CELSR1: variants seen among roughly 807,000 people sequenced by gnomAD.
CELSR1 encodes the protein cadherin EGF LAG seven-pass G-type receptor 1, also known as adhesion G protein-coupled receptor C1.
CELSR1 carries 110 observed loss-of-function variants against 249.1 expected under a neutral mutation model. The ratio of observed to expected loss-of-function variants is 0.44; its 90% CI spans 0.38 to 0.52. The LOEUF is 0.52. CELSR1 is among the 20% of genes least tolerant of loss of function. The pLI is 0.00. For missense variants in CELSR1, 4,109 were observed against 4,296.4 expected (o/e 0.96, Z 1.22); for synonymous variants, 2,113 against 1,900.0 (o/e 1.11, Z -2.92).
At position 46,488,400 on chromosome 22, in the gene CELSR1, CG is replaced by C. The variant is rs1191736819; in HGVS notation, c.3545-24056del. ...CGCAGCTTCCCTGCTCGCCTACAGC[CG>C]GCGAGTGCAGCACAGGAGGCCACCG... On this transcript the variant is annotated intron_variant, in intron 1 of 34. Transcript: ENST00000674500. This position sits in a 1 kb window ranked among gnomAD's most constrained non-coding sequence, Gnocchi z 4.7. Among the ~76,000 whole-genome samples, 1 of 152,140 alleles carries C rather than the reference CG, an allele frequency of 6.6e-6. No homozygotes were observed. Among genetic ancestry groups the C allele is most frequent in the Non-Finnish European group, 1.5e-5 (1 of 67,998 alleles).
intron 1 of CELSR1, among the ~76,000 whole-genome samples, chr22:46,507,157 G>T (rs1602223539): frequency 6.6e-6 from 1 of 152,308 alleles, no homozygotes; most frequent in East Asian, 1.9e-4. Context: ...CTGCACTCCA[G>T]CCTGGGCGAC....
intron 9 of CELSR1, among the ~76,000 whole-genome samples, chr22:46,403,786 TAC>T (rs1491111936): frequency 6.7e-6 from 1 of 149,542 alleles, no homozygotes; most frequent in Non-Finnish European, 1.5e-5. Context: ...CAGCATGGCC[TAC>T]ATGGTGAAAC....
chr22:46,476,482 G>A (rs2080209507), intron 1 of CELSR1, among the ~76,000 whole-genome samples: 1 of 151,694 alleles, frequency 6.6e-6, no homozygotes. Context: ...TGTGGTCCCA[G>A]CTACTCAGGA....
chr22:46,520,106 T>C (rs1246900482), intron 1 of CELSR1, among the ~76,000 whole-genome samples: 1 of 152,026 alleles, frequency 6.6e-6, no homozygotes, highest in African/African-American at 2.4e-5. Flanking sequence ...ACTCCTGACC[T>C]CAGGTGATCC....
At position 46,506,991 on chromosome 22, in the gene CELSR1, GC is replaced by G. The variant is rs2080521412; in HGVS notation, c.3544+26635del. On this transcript the variant is annotated intron_variant, in intron 1 of 34. Coordinates refer to ENST00000674500, the MANE Select transcript of CELSR1 (RefSeq NM_001378328.1). This position sits in a 1 kb window ranked among gnomAD's most constrained non-coding sequence, Gnocchi z 4.1. ...GCGGGTGGATCACCTGAGGTCAGGA[GC>G]CTGGCCAACACGGTGAAACCCCGAC... Among the ~76,000 whole-genome samples the G allele has an allele frequency of 6.6e-6, 1 of 152,264 alleles. No individual in the cohort carries two copies. The highest frequency in any genetic ancestry group is 1.9e-4 in the East Asian group (1 of 5,160).
Position 46,499,179 on chromosome 22 carries a change from C to T in CELSR1, c.3544+34448G>A, listed in dbSNP as rs551126855. ...TGGGCGATAGAGTAAGACTCTGTTGCAAATCTAAAAAAAAAAAAAAAAAAA... is the reference window on the plus strand; with the variant it reads ...TGGGCGATAGAGTAAGACTCTGTTGTAAATCTAAAAAAAAAAAAAAAAAAA... On this transcript the variant is annotated intron_variant, in intron 1 of 34. Coordinates refer to ENST00000674500, the MANE Select transcript of CELSR1 (RefSeq NM_001378328.1). Among the ~76,000 whole-genome samples, 751 of 81,784 alleles carry T rather than the reference C, an allele frequency of 9.2e-3. 1 individual carries two copies. The highest frequency in any genetic ancestry group is 0.012 in the Non-Finnish European group (521 of 44,732). The allele number at this position is 81,784 out of a possible 152,430, so 53.7% of individuals were successfully genotyped here. A position where few individuals can be genotyped will look rare whatever the true frequency, so the allele number is the denominator to read the frequency against.
At position 46,430,550 on chromosome 22, in the gene CELSR1, C is replaced by T. The variant is rs979068194; in HGVS notation, c.4611+2843G>A. On this transcript the variant is annotated intron_variant, in intron 5 of 34. Transcript: ENST00000674500. The surrounding 1 kb of genome is among the most constrained non-coding windows in gnomAD (Gnocchi z 4.6). ...GACACCCCTCATCGTCCAGCCCCAA[C>T]GCCTCCTCCTCCTGGGGGTCCCCTC... is the stretch of plus-strand genomic sequence containing the variant. Among the ~76,000 whole-genome samples, 8 of 152,254 alleles carry T rather than the reference C, an allele frequency of 5.3e-5. No homozygotes were observed. Among genetic ancestry groups the T allele is most frequent in the South Asian group, 2.1e-4 (1 of 4,820 alleles).
At chr22:46,503,768 G>A (rs1298348870) in intron 1 of CELSR1, among the ~76,000 whole-genome samples, 2 of 152,226 alleles carry the variant, frequency 1.3e-5, no homozygotes, top group Non-Finnish European at 1.5e-5. Context: ...AGCGTCTCAC[G>A]CCGGTAATCC....
In CELSR1 at chr22:46,413,315, A is replaced by G. The variant is rs2079359834; in HGVS notation, c.4612-1556T>C. Among the ~76,000 whole-genome samples, 2 of 152,198 alleles carry G rather than the reference A, an allele frequency of 1.3e-5. No homozygotes were observed. The highest frequency in any genetic ancestry group is 2.9e-5 in the Non-Finnish European group (2 of 68,038). On this transcript the variant is annotated intron_variant, in intron 5 of 34. Transcript: ENST00000674500. This position sits in a 1 kb window ranked among gnomAD's most constrained non-coding sequence, Gnocchi z 4.7. ...GAGCTCAGCCAGATGGCCAAGTTGC[A>G]TGACTTCTGGGGACCCTGGACACCC...
intron 1 of CELSR1, among the ~76,000 whole-genome samples, chr22:46,524,478 G>C (rs1315633619): frequency 6.6e-6 from 1 of 152,144 alleles, no homozygotes; most frequent in African/African-American, 2.4e-5. Context: ...GTGTCGGGCG[G>C]CTGGAAGGAA....
intron 33 of CELSR1, 33 bp from the exon 34 acceptor site, chr22:46,364,284 G>C (rs747861453): frequency 6.3e-7 from 1 of 1,597,420 alleles, no homozygotes. Context: ...GGTCAAGTCC[G>C]GGTGATGCTG....
rs748345236 is a variant in CELSR1 at position 46,409,080 on chromosome 22, G to A, written c.5142C>T (p.Tyr1714=). 4 of 1,613,280 alleles carry A rather than the reference G, an allele frequency of 2.5e-6. No homozygotes were observed. In the South Asian group the frequency reaches 3.3e-5, roughly 13 times the overall value. Residue 1714 remains tyrosine (Y), a synonymous_variant, in exon 9 of 35, where the codon TAC becomes TAT. Coordinates refer to ENST00000674500, the MANE Select transcript of CELSR1 (RefSeq NM_001378328.1). The surrounding 1 kb of genome is among the most constrained non-coding windows in gnomAD (Gnocchi z 9.8). The stretch of plus-strand genomic sequence containing the variant: ...TCCGGGTCCGGAACATGAGCCCCAG[G>A]TACCAGGGCACAGAGATGATGATGT... ...DLNIIISVPW[Y]LGLMFRTRKE... is the part of the protein sequence containing the mutation.
intron 1 of CELSR1, among the ~76,000 whole-genome samples, chr22:46,492,882 G>A (rs1602208599): frequency 6.6e-6 from 1 of 152,072 alleles, no homozygotes; most frequent in African/African-American, 2.4e-5. Flanking sequence ...CTTGGTAACA[G>A]GACAAAATAT....
chr22:46,475,927 G>T (rs1021017287), intron 1 of CELSR1, among the ~76,000 whole-genome samples: 1 of 152,036 alleles, frequency 6.6e-6, no homozygotes, highest in Non-Finnish European at 1.5e-5. Context: ...CCTTCTGGAA[G>T]CCTGAAATAA....
intron 1 of CELSR1, among the ~76,000 whole-genome samples, chr22:46,482,370 C>A (rs1369942533): frequency 6.6e-6 from 1 of 152,124 alleles, no homozygotes; most frequent in African/African-American, 2.4e-5. Flanking sequence ...GAAGGGCCAT[C>A]AGCCAGAGCA....
rs1308861796 is a variant in CELSR1 at position 46,536,769 on chromosome 22, G to A, written c.402C>T (p.Pro134=). ...GARLCGALCF[P]VPGGCAAAQH... ...GCGCGGCCGCGCAGCCGCCGGGGAC[G>A]GGGAAGCAGAGCGCCCCGCAGAGCC... The change falls in exon 1 of 35, where the codon CCC becomes CCT. Residue 134 remains proline (P), a synonymous_variant. Coordinates refer to ENST00000674500, the MANE Select transcript of CELSR1 (RefSeq NM_001378328.1). The A allele has an allele frequency of 1.7e-6, 2 of 1,184,742 alleles. No individual in the cohort carries two copies. Among genetic ancestry groups the A allele is most frequent in the Admixed American group, 4.7e-5 (1 of 21,450 alleles). 73.4% of individuals were successfully genotyped at this position (1,184,742 alleles called of 1,614,324 possible). A position where few individuals can be genotyped will look rare whatever the true frequency, so the allele number is the denominator to read the frequency against.
chr22:46,497,466 C>T (rs1280912904), intron 1 of CELSR1, among the ~76,000 whole-genome samples: 1 of 152,164 alleles, frequency 6.6e-6, no homozygotes, highest in Non-Finnish European at 1.5e-5. Flanking sequence ...GGCCTCTGTC[C>T]CGGGTCTCTG....
At chr22:46,397,635 C>A in intron 12 of CELSR1, 39 bp downstream of exon 12, 1 of 1,410,930 alleles carries the variant, frequency 7.1e-7, no homozygotes, top group East Asian at 2.8e-5. Flanking sequence ...CCATAAGAGA[C>A]CTCCCTGTCA....
rs2079216462 is a variant in CELSR1 at position 46,402,184 on chromosome 22, A to ACATCCCCAT, written c.5227-2291_5227-2283dup. Among the ~76,000 whole-genome samples, 3 of 151,794 alleles carry ACATCCCCAT rather than the reference A, an allele frequency of 2.0e-5. No individual in the cohort carries two copies. The highest frequency in any genetic ancestry group is 4.4e-5 in the Non-Finnish European group (3 of 67,946). ...CCAGAAGCAAACATGGAAGATAATGACATCCCCATCATCCCCATTCTAGTT... is the reference window on the plus strand; with the variant it reads ...CCAGAAGCAAACATGGAAGATAATGACATCCCCATCATCCCCATCATCCCCATTCTAGTT... On this transcript the variant is annotated intron_variant, in intron 9 of 34. Transcript: ENST00000674500. This position sits in a 1 kb window ranked among gnomAD's most constrained non-coding sequence, Gnocchi z 5.0.
Sources: allele counts gnomAD v4.1 joint callset (sites outside exome capture counted in the v4.1 genomes callset), GRCh38; gene constraint gnomAD v4.1.1; non-coding constraint Gnocchi (gnomAD v3.1); transcripts MANE v1.5; gene names NCBI Gene and HGNC (gene_info 2026-07-23, HGNC 2026-07-21).